ESRRG: variants seen among roughly 807,000 people sequenced by gnomAD.
ESRRG encodes estrogen related receptor gamma.
In ESRRG, 13 loss-of-function variants were observed where a neutral mutation model predicts 44.0. The observed-to-expected ratio is 0.30, with a 90% CI of 0.19 to 0.47. ESRRG has a LOEUF of 0.47. Ranked by LOEUF, ESRRG falls within the 20% of genes least tolerant of loss-of-function variation. The pLI is 1.00. For missense variants in ESRRG, 395 were observed against 580.6 expected (o/e 0.68, Z 3.29); for synonymous variants, 215 against 214.6 (o/e 1.00, Z -0.02).
chr1:216,614,853 T>C (rs1046353471), intron 3 of ESRRG, among the ~76,000 whole-genome samples: 2 of 152,232 alleles, frequency 1.3e-5, no homozygotes, highest in African/African-American at 2.4e-5. Flanking sequence ...CACAGCATCT[T>C]AACTTACTGA....
At chr1:217,031,432 C>G (rs1441195035) in intron 1 of ESRRG, among the ~76,000 whole-genome samples, 1 of 152,260 alleles carries the variant, frequency 6.6e-6, no homozygotes, top group Admixed American at 6.5e-5. Context: ...TCAATGCTTA[C>G]TTTTTCCTTG....
chr1:216,918,428 G>A (rs563857255), intron 2 of ESRRG, among the ~76,000 whole-genome samples: 1 of 152,076 alleles, frequency 6.6e-6, no homozygotes, highest in African/African-American at 2.4e-5. Flanking sequence ...AGCCTGCTAT[G>A]TGTTACCTAT....
At chr1:216,722,011 ACACACT>A (rs1412866502) in intron 1 of ESRRG, among the ~76,000 whole-genome samples, 1 of 152,202 alleles carries the variant, frequency 6.6e-6, no homozygotes, top group African/African-American at 2.4e-5. Flanking sequence ...GCATACACAC[ACACACT>A]CACACTCACG....
chr1:216,944,981 C>G (rs937577029), intron 1 of ESRRG, among the ~76,000 whole-genome samples: 1 of 151,978 alleles, frequency 6.6e-6, no homozygotes, highest in African/African-American at 2.4e-5. Context: ...TTCATAATTC[C>G]AACAAACCGT....
chr1:216,890,709 A>G (rs1352987452), intron 2 of ESRRG, among the ~76,000 whole-genome samples: 1 of 152,200 alleles, frequency 6.6e-6, no homozygotes, highest in African/African-American at 2.4e-5. Context: ...GGACACATGG[A>G]TGCATCAACC....
intron 3 of ESRRG, among the ~76,000 whole-genome samples, chr1:216,641,478 T>C (rs993499753): frequency 3.3e-5 from 5 of 152,202 alleles, no homozygotes; most frequent in Non-Finnish European, 7.3e-5. Flanking sequence ...AGTGGTACAC[T>C]ATGGCCATAT....
chr1:216,656,416 C>A (rs560230204), intron 2 of ESRRG, among the ~76,000 whole-genome samples: 4 of 152,100 alleles, frequency 2.6e-5, no homozygotes, highest in Non-Finnish European at 4.4e-5. Flanking sequence ...TATCTCCTGG[C>A]GGCTTTTCAA....
chr1:216,754,033 C>A (rs2092282523), intron 2 of ESRRG, among the ~76,000 whole-genome samples: 1 of 151,964 alleles, frequency 6.6e-6, no homozygotes, highest in Non-Finnish European at 1.5e-5. Context: ...TGCTCTCAGG[C>A]CTTTTGTCAG....
chr1:216,958,437 G>C (rs12029369), intron 1 of ESRRG, among the ~76,000 whole-genome samples: 52,000 of 151,942 alleles, frequency 0.34, 10,612 homozygotes, highest in Non-Finnish European at 0.47. Context: ...TTTGTCAGTG[G>C]GTTCGTGTTG....
chr1:216,775,551 CTTTTTTTTTT>C (rs71163765), intron 2 of ESRRG, among the ~76,000 whole-genome samples: 55 of 74,800 alleles, frequency 7.4e-4, no homozygotes, highest in African/African-American at 1.4e-3. Context: ...AATGTCACAT[CTTTTTTTTTT>C]TTTTTTTTTT....
chr1:216,965,479 G>C (rs985436848), intron 1 of ESRRG, among the ~76,000 whole-genome samples: 9 of 152,120 alleles, frequency 5.9e-5, no homozygotes, highest in Non-Finnish European at 1.2e-4. Flanking sequence ...CTACAAACCA[G>C]GGCACGAGAG....
chr1:216,784,244 C>T (rs2094040713), intron 2 of ESRRG, among the ~76,000 whole-genome samples: 1 of 151,714 alleles, frequency 6.6e-6, no homozygotes, highest in African/African-American at 2.4e-5. Flanking sequence ...TTTTCCATTT[C>T]TCTCCTAAAG....
rs113104133 is a variant in ESRRG at position 216,751,283 on chromosome 1, C to T, written c.-13-73792G>A. On this transcript the variant is annotated intron_variant, in intron 2 of 7. Transcript: ENST00000359162. ...GGCTGTTGTCATATTAGAGAAAGAA[C>T]TGGGATCATGAACAATAGAAATGCT... Among the ~76,000 whole-genome samples, 1,046 of 152,204 alleles carry T rather than the reference C, an allele frequency of 6.9e-3. 8 individuals are homozygous for T. Among genetic ancestry groups the T allele is most frequent in the Non-Finnish European group, 0.012 (839 of 67,984 alleles).
intron 2 of ESRRG, among the ~76,000 whole-genome samples, chr1:216,663,685 A>ACAG (rs1559095816): frequency 8.6e-5 from 13 of 151,950 alleles, no homozygotes; most frequent in South Asian, 2.1e-4. Flanking sequence ...AACAACAACA[A>ACAG]AAAGGGACTG....
rs571818742 is a variant in ESRRG at position 216,519,774 on chromosome 1, T to G, written c.863-353A>C. On this transcript the variant is annotated intron_variant, in intron 5 of 6. Transcript: ENST00000408911. ...TTACAGGAAGTCAGATTTTCAACTA[T>G]CTCATCTCTAAAAACTACTATTGGT... Among the ~76,000 whole-genome samples, 5 of 143,552 alleles carry G rather than the reference T, an allele frequency of 3.5e-5. No homozygotes were observed. In the South Asian group the frequency reaches 1.1e-3, roughly 31 times the overall value. 94.2% of individuals were successfully genotyped at this position (143,552 alleles called of 152,430 possible).
At chr1:216,833,587 T>C (rs2095519324) in intron 2 of ESRRG, among the ~76,000 whole-genome samples, 1 of 152,200 alleles carries the variant, frequency 6.6e-6, no homozygotes, top group African/African-American at 2.4e-5. Flanking sequence ...CCATCATTTG[T>C]TGTTCTTTTC....
chr1:216,525,992 T>C (rs1308212144), intron 5 of ESRRG, among the ~76,000 whole-genome samples: 4 of 152,164 alleles, frequency 2.6e-5, no homozygotes, highest in African/African-American at 7.2e-5. Context: ...AATAAACACA[T>C]ACAGGCTCTA....
chr1:216,929,878 T>A (rs1182360689), intron 2 of ESRRG, among the ~76,000 whole-genome samples: 1 of 152,164 alleles, frequency 6.6e-6, no homozygotes, highest in African/African-American at 2.4e-5. Flanking sequence ...ACAACTGCCA[T>A]GCCAGTCCTG....
chr1:216,603,911 C>T (rs948828746), intron 3 of ESRRG, among the ~76,000 whole-genome samples: 7 of 140,094 alleles, frequency 5.0e-5, no homozygotes, highest in South Asian at 4.4e-4. Context: ...CCAGCCTGGG[C>T]GACAGAGACT....
Sources: gnomAD v4.1 joint callset for allele counts (sites outside exome capture counted in the v4.1 genomes callset) on GRCh38, gnomAD v4.1.1 for gene constraint, MANE v1.5 for transcripts, NCBI Gene and HGNC (gene_info 2026-07-23, HGNC 2026-07-21) for gene names.